Variants in TRAF3IP2 observed in about 807,000 individuals in gnomAD.
TRAF3IP2 encodes the protein TRAF3 interacting protein 2.
In TRAF3IP2, 35 loss-of-function variants were observed where a neutral mutation model predicts 57.9. The ratio of observed to expected loss-of-function variants is 0.60; its 90% CI spans 0.46 to 0.80. TRAF3IP2 has a LOEUF of 0.80. TRAF3IP2 is among the 30% of genes least tolerant of loss of function. TRAF3IP2 has a pLI of 0.00. For synonymous variants in TRAF3IP2, 251 were observed against 268.9 expected (o/e 0.93, Z 0.65); for missense variants, 556 against 706.4 (o/e 0.79, Z 2.41).
intron 1 of TRAF3IP2, among the ~76,000 whole-genome samples, chr6:111,593,929 G>A (rs532916891): frequency 2.4e-4 from 36 of 152,116 alleles, no homozygotes; most frequent in South Asian, 1.2e-3. Context: ...TCAGGTATTC[G>A]AGACTAGCCT....
At chr6:111,597,745 G>T in intron 1 of TRAF3IP2, 1 of 434,196 alleles carries the variant, frequency 2.3e-6, no homozygotes, top group Non-Finnish European at 4.6e-6. Flanking sequence ...GAGTCCTGGG[G>T]ACATATAACT....
chr6:111,561,455 A>G (rs1404480181), intron 8 of TRAF3IP2, among the ~76,000 whole-genome samples: 1 of 152,100 alleles, frequency 6.6e-6, no homozygotes, highest in East Asian at 1.9e-4. Context: ...AACAACCAAA[A>G]GAGGTGTCGG....
intron 1 of TRAF3IP2, chr6:111,594,458 A>G: frequency 2.2e-6 from 1 of 446,592 alleles, no homozygotes; most frequent in Non-Finnish European, 4.5e-6. Context: ...TGAGTACCTT[A>G]GAAGCGCTTT....
At chr6:111,602,703 G>A (rs1796910738) in intron 1 of TRAF3IP2, among the ~76,000 whole-genome samples, 1 of 152,130 alleles carries the variant, frequency 6.6e-6, no homozygotes, top group Admixed American at 6.5e-5. Flanking sequence ...TGGACAGACA[G>A]CTCAGAGTAG....
chr6:111,562,687 T>TA (rs1306657881), intron 8 of TRAF3IP2, among the ~76,000 whole-genome samples: 6 of 151,202 alleles, frequency 4.0e-5, no homozygotes, highest in Admixed American at 6.6e-5. Context: ...CTACTAAAAA[T>TA]AAAAAAAATT....
intron 1 of TRAF3IP2, chr6:111,601,810 A>C (rs1013352374): frequency 6.6e-6 from 1 of 152,190 alleles, no homozygotes; most frequent in African/African-American, 2.4e-5. Context: ...GCCTTACTTC[A>C]TTCCCCAGAG....
chr6:111,586,561 G>A (rs576806691), intron 2 of TRAF3IP2, among the ~76,000 whole-genome samples: 6 of 151,920 alleles, frequency 3.9e-5, no homozygotes, highest in East Asian at 1.9e-4. Context: ...TGAAAGGGGC[G>A]ACCAATAACC....
At chr6:111,567,148 C>G (rs757094754) in intron 6 of TRAF3IP2, 1 of 997,620 alleles carries the variant, frequency 1.0e-6, no homozygotes, top group Non-Finnish European at 1.2e-6. Flanking sequence ...TGTTAAAGCA[C>G]AACGTGTCCC....
Position 111,591,944 on chromosome 6 carries a change from G to A in TRAF3IP2, c.143C>T (p.Ser48Phe). The A allele has an allele frequency of 8.7e-6, 14 of 1,614,232 alleles. No individual in the cohort carries two copies. Among genetic ancestry groups the A allele is most frequent in the Non-Finnish European group, 1.1e-5 (13 of 1,180,042 alleles). The change falls in exon 2 of 9, where the codon TCT becomes TTT. Residue 48 changes from serine (S) to phenylalanine (F), a missense_variant. This residue lies in a region of TRAF3IP2 where 428 missense variants were observed against 498.7 expected (regional missense o/e 0.86). Coordinates refer to ENST00000368761, the MANE Select transcript of TRAF3IP2 (RefSeq NM_147686.4). This position sits in a 1 kb window ranked among gnomAD's most constrained non-coding sequence, Gnocchi z 4.9. ...GGAATTGTGAAGCATTGTGGGTGCA[G>A]ACAAGCTGTTGGGTGCCATGTTCCT... ...NIRNMAPNSL[S>F]APTMLHNSSG...
In TRAF3IP2 at chr6:111,591,242, G is replaced by T; in HGVS notation, c.829+16C>A. ...CACCCAGCCCAGAATGCCCAGAGGA[G>T]GTAAAGATCACTTACATGGCACCTG... On this transcript the variant is annotated intron_variant, in intron 2 of 8. Transcript: ENST00000368761. This position sits in a 1 kb window ranked among gnomAD's most constrained non-coding sequence, Gnocchi z 4.9. The T allele has an allele frequency of 6.8e-7, 1 of 1,477,436 alleles. No individual in the cohort carries two copies. The highest frequency in any genetic ancestry group is 9.0e-7 in the Non-Finnish European group (1 of 1,111,866). 91.5% of individuals were successfully genotyped at this position (1,477,436 alleles called of 1,614,324 possible).
At chr6:111,599,737 T>A (rs1796808522) in intron 1 of TRAF3IP2, 1 of 152,272 alleles carries the variant, frequency 6.6e-6, no homozygotes, top group Admixed American at 6.5e-5. Context: ...CCTCCCATCA[T>A]GCCTGCCTCC....
intron 1 of TRAF3IP2, among the ~76,000 whole-genome samples, chr6:111,593,891 G>A (rs981668345): frequency 5.9e-5 from 9 of 152,140 alleles, no homozygotes; most frequent in African/African-American, 1.9e-4. Flanking sequence ...AGCACTTTGG[G>A]AGGCTGAGGC....
At position 111,555,908 on chromosome 6, in the gene TRAF3IP2, CCTGG is replaced by C. The variant is rs1382787662; in HGVS notation, c.*3493_*3496del. 6.6e-6 allele frequency among the ~76,000 whole-genome samples: 1 copy of C among 152,014 alleles called. No individual in the cohort carries two copies. The highest frequency in any genetic ancestry group is 2.4e-5 in the African/African-American group (1 of 41,362). On this transcript the variant is annotated 3_prime_UTR_variant, in exon 9 of 9. Coordinates refer to ENST00000368761, the MANE Select transcript of TRAF3IP2 (RefSeq NM_147686.4). ...CACGAGGTCAGGAGATCAAGACCAT[CCTGG>C]CTAACACGGTGAAACCCCGTCTCTA...
At position 111,559,255 on chromosome 6, in the gene TRAF3IP2, T is replaced by C. The variant is rs1795343909; in HGVS notation, c.*150A>G. On this transcript the variant is annotated 3_prime_UTR_variant, in exon 9 of 9. Transcript: ENST00000368761. ...TGTGGAGGTCTCCGGGGAAGAGCTCTGCACAACAGGTTTCCTGGGGGCCAG... is the reference window on the plus strand; with the variant it reads ...TGTGGAGGTCTCCGGGGAAGAGCTCCGCACAACAGGTTTCCTGGGGGCCAG... 3 of 1,086,664 alleles carry C rather than the reference T, an allele frequency of 2.8e-6. No homozygotes were observed. The East Asian group carries it at 7.2e-5, about 26-fold the overall frequency. 67.3% of individuals were successfully genotyped at this position (1,086,664 alleles called of 1,614,324 possible). A position where few individuals can be genotyped will look rare whatever the true frequency, so the allele number is the denominator to read the frequency against.
Position 111,580,064 on chromosome 6 carries a change from G to A in TRAF3IP2, c.1022+133C>T, listed in dbSNP as rs146048223. 9.6e-4 allele frequency: 978 copies of A among 1,017,976 alleles called. 3 individuals carry two copies. The African/African-American group carries it at 0.014, about 14-fold the overall frequency. The allele number at this position is 1,017,976 out of a possible 1,614,324, so 63.1% of individuals were successfully genotyped here. A position where few individuals can be genotyped will look rare whatever the true frequency, so the allele number is the denominator to read the frequency against. On this transcript the variant is annotated intron_variant, in intron 3 of 8. Coordinates refer to ENST00000368761, the MANE Select transcript of TRAF3IP2 (RefSeq NM_147686.4). The stretch of plus-strand genomic sequence containing the variant: ...CCTCCTGACCTGAAAAGTCTATATT[G>A]GGCATTCCACTATGTGACTTGCTCA...
At position 111,568,438 on chromosome 6, in the gene TRAF3IP2, T is replaced by A. The variant is rs1795722015; in HGVS notation, c.1291-746A>T. ...GCTCAGGCTTATACTGCAGAGTGTG[T>A]GTGTGTGTGTGTGTGTGTGTGTGTG... On this transcript the variant is annotated intron_variant, in intron 5 of 8. Coordinates refer to ENST00000368761, the MANE Select transcript of TRAF3IP2 (RefSeq NM_147686.4). 7.7e-4 allele frequency among the ~76,000 whole-genome samples: 3 copies of A among 3,902 alleles called. No individual in the cohort carries two copies. The African/African-American group carries it at 0.012, about 15-fold the overall frequency. 2.6% of individuals were successfully genotyped at this position (3,902 alleles called of 152,430 possible).
At position 111,591,590 on chromosome 6, in the gene TRAF3IP2, G is replaced by A. The variant is rs371756748; in HGVS notation, c.497C>T (p.Ala166Val). Reference protein sequence around the residue: ...SDKSDQSLPNASADSLGGSQE... With the variant: ...SDKSDQSLPNVSADSLGGSQE... ...GCTACCGCCCAAGGAGTCTGCTGAG[G>A]CATTAGGTAAACTTTGGTCTGATTT... The change falls in exon 2 of 9, where the codon GCC becomes GTC. Residue 166 changes from alanine (A) to valine (V), a missense_variant. This residue lies in a region of TRAF3IP2 where 428 missense variants were observed against 498.7 expected (regional missense o/e 0.86). Coordinates refer to ENST00000368761, the MANE Select transcript of TRAF3IP2 (RefSeq NM_147686.4). This position sits in a 1 kb window ranked among gnomAD's most constrained non-coding sequence, Gnocchi z 4.9. 25 of 1,614,246 alleles carry A rather than the reference G, an allele frequency of 1.5e-5. 1 individual carries two copies. In the African/African-American group the frequency reaches 3.2e-4, roughly 21 times the overall value.
intron 2 of TRAF3IP2, among the ~76,000 whole-genome samples, chr6:111,590,146 T>C (rs746790716): frequency 3.9e-5 from 6 of 152,246 alleles, no homozygotes; most frequent in Non-Finnish European, 8.8e-5. Flanking sequence ...CTTTCAGAGA[T>C]GCTTCCTGCA....
chr6:111,586,398 G>T (rs1270234183), intron 2 of TRAF3IP2, among the ~76,000 whole-genome samples: 1 of 152,046 alleles, frequency 6.6e-6, no homozygotes, highest in Non-Finnish European at 1.5e-5. Context: ...AGTTTCATTT[G>T]ATTGCACAGC....
Sources: gnomAD v4.1 joint callset for allele counts (sites outside exome capture counted in the v4.1 genomes callset) on GRCh38, gnomAD v4.1.1 for gene constraint, gnomAD v4.1.1 regional missense constraint, Gnocchi (gnomAD v3.1) non-coding constraint, MANE v1.5 for transcripts, NCBI Gene and HGNC (gene_info 2026-07-23, HGNC 2026-07-21) for gene names.